Variants in SPOCK3 observed in about 807,000 individuals in gnomAD.
SPOCK3 encodes testican-3.
SPOCK3 carries 30 observed loss-of-function variants against 56.6 expected under a neutral mutation model. The ratio of observed to expected loss-of-function variants is 0.53; its 90% CI spans 0.40 to 0.72. The LOEUF (loss-of-function observed/expected upper bound fraction) is 0.72, where lower values mean the gene tolerates loss of function less well. Ranked by LOEUF, SPOCK3 falls within the 30% of genes least tolerant of loss-of-function variation. The probability of loss-of-function intolerance (pLI) is 0.00; values close to 1 mark genes in which losing one functional copy is unlikely to be tolerated. For synonymous variants in SPOCK3, 196 were observed against 183.3 expected (o/e 1.07, Z -0.56); for missense variants, 527 against 530.0 (o/e 0.99, Z 0.06).
chr4:166,773,123 C>A (rs781712894), intron 7 of SPOCK3, among the ~76,000 whole-genome samples: 43 of 152,230 alleles, frequency 2.8e-4, no homozygotes, highest in Non-Finnish European at 4.7e-4. Context: ...TCCTTGACTT[C>A]ATTAAAGTTA....
intron 4 of SPOCK3, among the ~76,000 whole-genome samples, chr4:166,992,024 TTGTAA>T (rs1232153020): frequency 6.6e-6 from 1 of 152,228 alleles, no homozygotes; most frequent in Non-Finnish European, 1.5e-5. Context: ...TGGGATAGTC[TTGTAA>T]TGGGTTTCTT....
chr4:167,102,922 G>GAAAAAAAAAAAAAA (rs55740507), intron 2 of SPOCK3, among the ~76,000 whole-genome samples: 1 of 62,516 alleles, frequency 1.6e-5, no homozygotes. Flanking sequence ...ATAGCTTGCA[G>GAAAAAAAAAAAAAA]AAAAAAAAAA....
intron 2 of SPOCK3, among the ~76,000 whole-genome samples, chr4:167,181,093 C>T (rs1051685426): frequency 6.6e-6 from 1 of 152,060 alleles, no homozygotes. Context: ...AAATGTATAC[C>T]TCTGTTCCCA....
At chr4:166,932,360 C>T (rs1739885227) in intron 4 of SPOCK3, among the ~76,000 whole-genome samples, 1 of 152,122 alleles carries the variant, frequency 6.6e-6, no homozygotes, top group Non-Finnish European at 1.5e-5. Flanking sequence ...CTTTTTCCTA[C>T]ACAAGTGGTC....
At chr4:166,993,255 C>G (rs1747993169) in intron 4 of SPOCK3, among the ~76,000 whole-genome samples, 1 of 152,140 alleles carries the variant, frequency 6.6e-6, no homozygotes, top group South Asian at 2.1e-4. Flanking sequence ...ATCTCTCTGA[C>G]AGGACATGCA....
At chr4:166,781,746 T>C (rs1206968976) in intron 7 of SPOCK3, among the ~76,000 whole-genome samples, 1 of 151,602 alleles carries the variant, frequency 6.6e-6, no homozygotes, top group East Asian at 1.9e-4. Context: ...CGTCAAACTG[T>C]TTAAAGAGTG....
intron 2 of SPOCK3, among the ~76,000 whole-genome samples, chr4:167,170,359 G>C (rs1024147780): frequency 2.0e-5 from 3 of 151,490 alleles, no homozygotes; most frequent in Admixed American, 6.6e-5. Context: ...AAATGCACCA[G>C]GTGCTGACAG....
At chr4:167,217,176 T>C (rs1431196561) in intron 2 of SPOCK3, among the ~76,000 whole-genome samples, 1 of 152,098 alleles carries the variant, frequency 6.6e-6, no homozygotes. Context: ...TAAATAATAA[T>C]TTGAATATCC....
At chr4:166,768,744 G>A (rs1175074310) in intron 7 of SPOCK3, among the ~76,000 whole-genome samples, 2 of 152,138 alleles carry the variant, frequency 1.3e-5, no homozygotes, top group African/African-American at 4.8e-5. Context: ...GCCTTGCTAG[G>A]TTGGGGAAAT....
At chr4:166,979,344 GTC>G (rs2150088941) in intron 4 of SPOCK3, among the ~76,000 whole-genome samples, 1 of 152,172 alleles carries the variant, frequency 6.6e-6, no homozygotes, top group Admixed American at 6.5e-5. Context: ...ATGAAAAACA[GTC>G]TCTGGTGGTA....
At chr4:166,996,316 G>T (rs1748374719) in intron 4 of SPOCK3, among the ~76,000 whole-genome samples, 1 of 151,992 alleles carries the variant, frequency 6.6e-6, no homozygotes, top group African/African-American at 2.4e-5. Flanking sequence ...CAGCAGCATC[G>T]ATTGGTGCCA....
intron 2 of SPOCK3, among the ~76,000 whole-genome samples, chr4:167,216,103 C>G (rs1000718352): frequency 6.6e-6 from 1 of 152,084 alleles, no homozygotes; most frequent in Non-Finnish European, 1.5e-5. Flanking sequence ...CAGACTTCTT[C>G]TGATGAACAG....
chr4:166,828,857 A>G (rs936905986), intron 6 of SPOCK3, among the ~76,000 whole-genome samples: 1 of 152,046 alleles, frequency 6.6e-6, no homozygotes, highest in African/African-American at 2.4e-5. Flanking sequence ...TTTTCCAAAA[A>G]GGCTTGAATC....
intron 2 of SPOCK3, among the ~76,000 whole-genome samples, chr4:167,160,784 A>G (rs370971595): frequency 4.6e-5 from 7 of 152,272 alleles, no homozygotes; most frequent in African/African-American, 1.2e-4. Context: ...AAAACAAGAA[A>G]TGGGAAAGGA....
At chr4:167,163,566 C>T (rs1765506555) in intron 2 of SPOCK3, among the ~76,000 whole-genome samples, 2 of 151,994 alleles carry the variant, frequency 1.3e-5, no homozygotes, top group African/African-American at 4.8e-5. Context: ...ACTCTCCCCA[C>T]TTTCCCCACC....
intron 2 of SPOCK3, among the ~76,000 whole-genome samples, chr4:167,156,330 C>G (rs968894559): frequency 3.3e-5 from 5 of 152,124 alleles, no homozygotes. Flanking sequence ...CAACTTCAAT[C>G]CATAAAAACG....
At chr4:167,101,713 C>CT (rs34604496) in intron 2 of SPOCK3, among the ~76,000 whole-genome samples, 9,530 of 126,302 alleles carry the variant, frequency 0.075, 640 homozygotes, top group South Asian at 0.14. Context: ...AATTCTTACT[C>CT]TTTTTTTTTT....
At chr4:167,091,408 GA>G (rs1758688797) in intron 2 of SPOCK3, among the ~76,000 whole-genome samples, 1 of 152,030 alleles carries the variant, frequency 6.6e-6, no homozygotes, top group Non-Finnish European at 1.5e-5. Context: ...TTAATTATGT[GA>G]CAAAGTTATA....
At chr4:166,878,451 A>G (rs1450015159) in intron 6 of SPOCK3, among the ~76,000 whole-genome samples, 1 of 151,960 alleles carries the variant, frequency 6.6e-6, no homozygotes, top group East Asian at 1.9e-4. Context: ...ACATAGGCCA[A>G]TAAATTTTTA....
Sources: allele counts gnomAD v4.1 joint callset (sites outside exome capture counted in the v4.1 genomes callset), GRCh38; gene constraint gnomAD v4.1.1; transcripts MANE v1.5; gene names NCBI Gene and HGNC (gene_info 2026-07-23, HGNC 2026-07-21).